RAB11FIP3: variants seen among roughly 807,000 people sequenced by gnomAD.
The protein encoded by RAB11FIP3 is RAB11 family interacting protein 3.
Under a neutral mutation model 77.8 loss-of-function variants are expected in RAB11FIP3, and 17 were observed. The observed-to-expected ratio is 0.22, with a 90% CI of 0.15 to 0.33. The LOEUF (loss-of-function observed/expected upper bound fraction) is 0.33. Ranked by LOEUF, RAB11FIP3 falls within the 10% of genes least tolerant of loss-of-function variation. RAB11FIP3 has a pLI of 1.00. For synonymous variants in RAB11FIP3, 437 were observed against 448.2 expected, an observed-to-expected ratio of 0.98 and a Z score of 0.31; for missense variants, 1,005 against 1,011.2, an observed-to-expected ratio of 0.99 and a Z score of 0.08.
intron 3 of RAB11FIP3, among the ~76,000 whole-genome samples, chr16:475,787 T>C (rs1053267287): frequency 2.6e-5 from 4 of 152,162 alleles, no homozygotes; most frequent in African/African-American, 9.7e-5. Flanking sequence ...GAACTGTTCA[T>C]CTCTGTGGGA....
chr16:425,946 C>A lies in RAB11FIP3; in HGVS notation c.-61C>A, dbSNP rs1188013965. 1.4e-6 allele frequency: 1 copy of A among 731,994 alleles called. No individual in the cohort carries two copies. The highest frequency in any genetic ancestry group is 6.9e-4 in the Middle Eastern group (1 of 1,440). 45.3% of individuals were successfully genotyped at this position (731,994 alleles called of 1,614,324 possible). ...CCGAGGGGATGCCCGCGCCCGCCGCCGCGCCCTGAGCGCCTTTGTCTGCCG... is the reference window on the plus strand; with the variant it reads ...CCGAGGGGATGCCCGCGCCCGCCGCAGCGCCCTGAGCGCCTTTGTCTGCCG... On this transcript the variant is annotated 5_prime_UTR_variant, in exon 1 of 14. Coordinates refer to ENST00000262305, the MANE Select transcript of RAB11FIP3 (RefSeq NM_014700.4).
intron 6 of RAB11FIP3, among the ~76,000 whole-genome samples, chr16:500,440 TG>T (rs2031431939): frequency 6.6e-6 from 1 of 151,926 alleles, no homozygotes; most frequent in African/African-American, 2.4e-5. Context: ...CCCAGCACTT[TG>T]GGGGGCCGAG....
chr16:518,140 G>A (rs1047793539), intron 9 of RAB11FIP3, among the ~76,000 whole-genome samples: 5 of 152,190 alleles, frequency 3.3e-5, no homozygotes, highest in Admixed American at 2.0e-4. Flanking sequence ...GCGCAGTGGC[G>A]GGATCACAGC....
At chr16:431,203 T>G (rs2055029655) in intron 1 of RAB11FIP3, among the ~76,000 whole-genome samples, 1 of 152,134 alleles carries the variant, frequency 6.6e-6, no homozygotes, top group East Asian at 1.9e-4. Flanking sequence ...GATATTTGTG[T>G]GTAAGTGGCA....
chr16:488,803 GT>G, intron 4 of RAB11FIP3, 47 bp from the exon 5 acceptor site: 1 of 1,589,846 alleles, frequency 6.3e-7, no homozygotes, highest in South Asian at 1.1e-5. Context: ...CAGCTCGGGG[GT>G]GCCCTGGCCT....
At chr16:462,531 G>A (rs921700772) in intron 2 of RAB11FIP3, among the ~76,000 whole-genome samples, 2 of 151,948 alleles carry the variant, frequency 1.3e-5, no homozygotes, top group Non-Finnish European at 2.9e-5. Context: ...ATGAACCACC[G>A]TGCCTGGCCA....
rs139898544 is a variant in RAB11FIP3, at chr16:488,888, G to A, written c.1153G>A (p.Gly385Arg). 255 of 1,613,954 alleles carry A rather than the reference G, an allele frequency of 1.6e-4. 4 individuals carry two copies. Among genetic ancestry groups the A allele is most frequent in the South Asian group, 1.5e-3 (134 of 91,062 alleles). Residue 385 changes from glycine to arginine, a missense_variant, in exon 5 of 14, where the codon GGG becomes AGG. Gly to Arg is a moderately radical substitution (Grantham distance 125). Coordinates refer to ENST00000262305, the MANE Select transcript of RAB11FIP3 (RefSeq NM_014700.4). ...PHGQSVITVIGGEEHFEDYGE... is the reference protein window; with the variant it reads ...PHGQSVITVIRGEEHFEDYGE... ...TGGCCAGTCTGTCATCACGGTGATC[G>A]GGGGCGAGGAGCACTTTGAGGACTA...
intron 1 of RAB11FIP3, chr16:439,347 C>T (rs751826058): frequency 1.4e-4 from 22 of 152,200 alleles, no homozygotes; most frequent in Non-Finnish European, 3.1e-4. Flanking sequence ...CAAAGCAACC[C>T]GTAACGATTG....
At position 471,206 on chromosome 16, in the gene RAB11FIP3, C is replaced by A; in HGVS notation, c.809-89C>A. 2 of 1,132,898 alleles carry A rather than the reference C, an allele frequency of 1.8e-6. No homozygotes were observed. The highest frequency in any genetic ancestry group is 2.6e-6 in the Non-Finnish European group (2 of 763,222). 70.2% of individuals were successfully genotyped at this position (1,132,898 alleles called of 1,614,324 possible). On this transcript the variant is annotated intron_variant, in intron 2 of 13. Coordinates refer to ENST00000262305, the MANE Select transcript of RAB11FIP3 (RefSeq NM_014700.4). The surrounding 1 kb of genome is among the most constrained non-coding windows in gnomAD (Gnocchi z 4.4). ...CTCCCACACATCTGTCCCTGGGGGCCTCCTTCCCAGGGAGTCCCGAGGCCG... is the reference window on the plus strand; with the variant it reads ...CTCCCACACATCTGTCCCTGGGGGCATCCTTCCCAGGGAGTCCCGAGGCCG...
chr16:429,122 A>G (rs1451439426), intron 1 of RAB11FIP3, among the ~76,000 whole-genome samples: 1 of 152,120 alleles, frequency 6.6e-6, no homozygotes, highest in African/African-American at 2.4e-5. Context: ...CTGTTTGGCA[A>G]CAGATAATTT....
At chr16:500,484 C>T (rs978134682) in intron 6 of RAB11FIP3, among the ~76,000 whole-genome samples, 1 of 151,854 alleles carries the variant, frequency 6.6e-6, no homozygotes, top group African/African-American at 2.4e-5. Context: ...AGTTTGAGAC[C>T]AGCCTGGCCA....
rs763005592 is a variant in RAB11FIP3 at position 519,912 on chromosome 16, A to T, written c.1860+21A>T. ...AGGAGGTGAGCACCCACCCTGCCCC[A>T]CGCCCAGTCCTGCGCCCAGCCTGCC... is the stretch of plus-strand genomic sequence containing the variant. On this transcript the variant is annotated intron_variant, in intron 11 of 13. Coordinates refer to ENST00000262305, the MANE Select transcript of RAB11FIP3 (RefSeq NM_014700.4). 3.8e-6 allele frequency: 6 copies of T among 1,564,176 alleles called. No homozygotes were observed. In the South Asian group the frequency reaches 7.0e-5, roughly 18 times the overall value.
intron 4 of RAB11FIP3, among the ~76,000 whole-genome samples, chr16:487,886 G>GC (rs1011334008): frequency 3.9e-5 from 6 of 152,182 alleles, no homozygotes; most frequent in African/African-American, 9.6e-5. Flanking sequence ...TTTGAACGGC[G>GC]CCCCCCAGTG....
chr16:522,105 A>C lies in RAB11FIP3; in HGVS notation c.*1266A>C, dbSNP rs2141920327. On this transcript the variant is annotated 3_prime_UTR_variant, in exon 14 of 14. Coordinates refer to ENST00000262305, the MANE Select transcript of RAB11FIP3 (RefSeq NM_014700.4). ...GATGTAAGAGGTCGCCTCCTATTGTACATTTGGGGAAAGCCTTGGGTGTAA... is the reference window on the plus strand; with the variant it reads ...GATGTAAGAGGTCGCCTCCTATTGTCCATTTGGGGAAAGCCTTGGGTGTAA... 6.7e-6 allele frequency: 1 copy of C among 149,628 alleles called. No individual in the cohort carries two copies. The highest frequency in any genetic ancestry group is 2.0e-4 in the East Asian group (1 of 4,926). 9.3% of individuals were successfully genotyped at this position (149,628 alleles called of 1,614,324 possible).
At chr16:436,356 G>A (rs2055127975) in intron 1 of RAB11FIP3, among the ~76,000 whole-genome samples, 1 of 152,178 alleles carries the variant, frequency 6.6e-6, no homozygotes, top group African/African-American at 2.4e-5. Context: ...CTAGGCTGGA[G>A]TGCAGTGGTG....
At chr16:475,065 C>T (rs897730583) in intron 3 of RAB11FIP3, 1 of 1,551,466 alleles carries the variant, frequency 6.4e-7, no homozygotes, top group African/African-American at 1.4e-5. Flanking sequence ...GAGCCAGGCC[C>T]AGCCTGTGAG....
rs1338115959 is a variant in RAB11FIP3 at position 522,381 on chromosome 16, CAG to C, written c.*1543_*1544del. 6.6e-6 allele frequency: 1 copy of C among 151,872 alleles called. No individual in the cohort carries two copies. The highest frequency in any genetic ancestry group is 1.5e-5 in the Non-Finnish European group (1 of 67,972). 9.4% of individuals were successfully genotyped at this position (151,872 alleles called of 1,614,324 possible). ...ACTGTAAGCATGGACTCCCAGGAGA[CAG>C]TGTGGGAAACGCTCCTGCTTTAATT... On this transcript the variant is annotated 3_prime_UTR_variant, in exon 14 of 14. Transcript: ENST00000262305.
At chr16:497,163 C>G in intron 6 of RAB11FIP3, 1 of 810,176 alleles carries the variant, frequency 1.2e-6, no homozygotes, top group Admixed American at 2.8e-5. Flanking sequence ...TCTATGTTAG[C>G]TCTGAGGTAG....
chr16:488,553 C>T (rs1055150618), intron 4 of RAB11FIP3, among the ~76,000 whole-genome samples: 6 of 151,976 alleles, frequency 3.9e-5, no homozygotes, highest in South Asian at 2.1e-4. Flanking sequence ...GGACTACAGT[C>T]GTGCGCATCC....
Sources: gnomAD v4.1 joint callset for allele counts (sites outside exome capture counted in the v4.1 genomes callset) on GRCh38, gnomAD v4.1.1 for gene constraint, Gnocchi (gnomAD v3.1) non-coding constraint, MANE v1.5 for transcripts, NCBI Gene and HGNC (gene_info 2026-07-23, HGNC 2026-07-21) for gene names.